NRXN1: variants seen among roughly 807,000 people sequenced by gnomAD.
The protein encoded by NRXN1 is neurexin-1.
A neutral mutation model predicts 150.9 loss-of-function variants in NRXN1; 39 were observed. That is an observed-to-expected ratio of 0.26 (90% CI 0.20 to 0.34). The LOEUF (loss-of-function observed/expected upper bound fraction) is 0.34. Among genes scored for constraint, NRXN1 ranks in the 10% least tolerant of loss-of-function variants. NRXN1 has a pLI of 1.00. For synonymous variants in NRXN1, 924 were observed against 757.0 expected (o/e 1.22, Z -3.62); for missense variants, 1,815 against 1,949.9 (o/e 0.93, Z 1.30).
At chr2:50,396,092 C>G (rs554939888) in intron 17 of NRXN1, among the ~76,000 whole-genome samples, 1 of 152,084 alleles carries the variant, frequency 6.6e-6, no homozygotes, top group Non-Finnish European at 1.5e-5. Context: ...ACTGAGAATT[C>G]TAATTCAATA....
At chr2:49,945,635 G>GTTTCTCACTCA (rs1553403414) in intron 21 of NRXN1, among the ~76,000 whole-genome samples, 1 of 152,064 alleles carries the variant, frequency 6.6e-6, no homozygotes, top group East Asian at 1.9e-4. Flanking sequence ...AGAATATGCA[G>GTTTCTCACTCA]TGTTTGATTT....
intron 17 of NRXN1, among the ~76,000 whole-genome samples, chr2:50,397,915 A>T (rs747437051): frequency 6.6e-6 from 1 of 152,220 alleles, no homozygotes; most frequent in Non-Finnish European, 1.5e-5. Flanking sequence ...AATACAGTAA[A>T]ATTGCAAAAC....
At chr2:50,299,179 T>G (rs1243793385) in intron 17 of NRXN1, among the ~76,000 whole-genome samples, 1 of 152,164 alleles carries the variant, frequency 6.6e-6, no homozygotes, top group Non-Finnish European at 1.5e-5. Flanking sequence ...AATTGCATCC[T>G]CTCTTCCTTT....
intron 5 of NRXN1, among the ~76,000 whole-genome samples, chr2:50,705,443 T>C (rs981786843): frequency 6.6e-6 from 1 of 152,148 alleles, no homozygotes; most frequent in Non-Finnish European, 1.5e-5. Flanking sequence ...CGGAAGCACT[T>C]AGCAAGTGCC....
chr2:50,196,304 C>A (rs2061760539), intron 18 of NRXN1, among the ~76,000 whole-genome samples: 1 of 152,100 alleles, frequency 6.6e-6, no homozygotes, highest in South Asian at 2.1e-4. Flanking sequence ...CTGAGAAATG[C>A]CTTTTAGATG....
At chr2:50,601,727 A>C (rs995983528) in intron 8 of NRXN1, among the ~76,000 whole-genome samples, 2 of 152,146 alleles carry the variant, frequency 1.3e-5, no homozygotes, top group Admixed American at 1.3e-4. Flanking sequence ...AGGATTTAAA[A>C]ACCATTTCAG....
At chr2:50,173,934 C>A (rs1006144442) in intron 18 of NRXN1, among the ~76,000 whole-genome samples, 1 of 152,050 alleles carries the variant, frequency 6.6e-6, no homozygotes, top group East Asian at 1.9e-4. Context: ...TAAACTCTGA[C>A]CATCTGTCAG....
intron 5 of NRXN1, among the ~76,000 whole-genome samples, chr2:50,727,196 C>T (rs960460944): frequency 1.3e-5 from 2 of 152,032 alleles, no homozygotes; most frequent in Non-Finnish European, 2.9e-5. Context: ...AGATATAATT[C>T]CTTATTGGAT....
At chr2:50,315,267 G>A (rs936404492) in intron 17 of NRXN1, among the ~76,000 whole-genome samples, 13 of 151,974 alleles carry the variant, frequency 8.6e-5, no homozygotes, top group Admixed American at 7.9e-4. Flanking sequence ...TCAGAATCAA[G>A]CGAAACTGAA....
chr2:50,740,371 T>C (rs1197855740), intron 5 of NRXN1, among the ~76,000 whole-genome samples: 2 of 152,182 alleles, frequency 1.3e-5, no homozygotes, highest in African/African-American at 4.8e-5. Context: ...GATGCAGTTA[T>C]ATGAGGATGC....
At chr2:50,168,615 ATCT>A (rs1407592526) in intron 18 of NRXN1, among the ~76,000 whole-genome samples, 2 of 152,152 alleles carry the variant, frequency 1.3e-5, no homozygotes, top group Non-Finnish European at 2.9e-5. Flanking sequence ...GGTTGCCAGA[ATCT>A]TCTGATTCTG....
intron 12 of NRXN1, among the ~76,000 whole-genome samples, chr2:50,519,776 C>T (rs1360949240): frequency 2.6e-5 from 4 of 151,886 alleles, no homozygotes; most frequent in Non-Finnish European, 5.9e-5. Flanking sequence ...ATGCTCCCAA[C>T]CAGTTATCAT....
chr2:49,957,267 C>A (rs1675137050), intron 21 of NRXN1, among the ~76,000 whole-genome samples: 2 of 152,060 alleles, frequency 1.3e-5, no homozygotes, highest in Non-Finnish European at 2.9e-5. Context: ...ACCTATTTTG[C>A]ATGAGTATTA....
At chr2:50,719,674 T>A (rs937249076) in intron 5 of NRXN1, among the ~76,000 whole-genome samples, 4 of 151,678 alleles carry the variant, frequency 2.6e-5, no homozygotes, top group Admixed American at 2.6e-4. Context: ...AGACTCTGTC[T>A]AAAAAAAACA....
At chr2:50,056,719 G>C (rs1203762690) in intron 19 of NRXN1, among the ~76,000 whole-genome samples, 1 of 151,988 alleles carries the variant, frequency 6.6e-6, no homozygotes, top group Non-Finnish European at 1.5e-5. Context: ...TTAGGACAGT[G>C]TGATTATTGA....
At chr2:50,504,561 C>G (rs2092124626) in intron 13 of NRXN1, among the ~76,000 whole-genome samples, 1 of 152,168 alleles carries the variant, frequency 6.6e-6, no homozygotes, top group African/African-American at 2.4e-5. Flanking sequence ...AAATAACTTT[C>G]TAAAATACAT....
At chr2:50,320,211 C>CTATT (rs1426110356) in intron 17 of NRXN1, among the ~76,000 whole-genome samples, 1 of 142,598 alleles carries the variant, frequency 7.0e-6, no homozygotes, top group Non-Finnish European at 1.5e-5. Context: ...ATATTTAAAG[C>CTATT]TATTTTTTCT....
intron 5 of NRXN1, among the ~76,000 whole-genome samples, chr2:50,648,980 T>C (rs555781294): frequency 2.0e-5 from 3 of 151,960 alleles, no homozygotes; most frequent in Non-Finnish European, 4.4e-5. Context: ...TTTGGGTTTT[T>C]CCTTGTCAGT....
intron 21 of NRXN1, among the ~76,000 whole-genome samples, chr2:50,003,530 T>C (rs1028440429): frequency 6.6e-6 from 1 of 152,120 alleles, no homozygotes; most frequent in South Asian, 2.1e-4. Flanking sequence ...GTTGATAAAA[T>C]CTGTTGGCAA....
Sources: gnomAD v4.1 joint callset for allele counts (sites outside exome capture counted in the v4.1 genomes callset) on GRCh38, gnomAD v4.1.1 for gene constraint, MANE v1.5 for transcripts, NCBI Gene and HGNC (gene_info 2026-07-23, HGNC 2026-07-21) for gene names.